KIF6: variants seen among roughly 807,000 people sequenced by gnomAD.
KIF6 encodes the protein kinesin-like protein KIF6.
Under a neutral mutation model 112.7 loss-of-function variants are expected in KIF6, and 106 were observed. That is an observed-to-expected ratio of 0.94 (90% CI 0.80 to 1.11). KIF6 has a LOEUF of 1.11. KIF6 is among the 50% of genes least tolerant of loss of function. The probability of loss-of-function intolerance (pLI) is 0.00; values close to 1 mark genes in which losing one functional copy is unlikely to be tolerated. For synonymous variants in KIF6, 339 were observed against 339.9 expected (o/e 1.00, Z 0.03); for missense variants, 929 against 964.0 (o/e 0.96, Z 0.48).
chr6:39,636,065 T>C (rs1472792734), intron 4 of KIF6, among the ~76,000 whole-genome samples: 2 of 151,892 alleles, frequency 1.3e-5, no homozygotes, highest in Non-Finnish European at 2.9e-5. Flanking sequence ...GGAGAGAGAA[T>C]AGTGGCCCAT....
rs984078684 is a variant in KIF6 at position 39,530,851 on chromosome 6, A to AT, written c.1645+9151dup. ...TTCTTTCAAAACAACATACTTATTA[A>AT]TTTTTTTGTATTTGGTTTAGTTTAT... On this transcript the variant is annotated intron_variant, in intron 13 of 22. Coordinates refer to ENST00000287152, the MANE Select transcript of KIF6 (RefSeq NM_145027.6). Among the ~76,000 whole-genome samples, 25 of 152,236 alleles carry AT rather than the reference A, an allele frequency of 1.6e-4. 1 individual carries two copies. In the South Asian group the frequency reaches 2.5e-3, roughly 15 times the overall value.
At chr6:39,339,862 T>C (rs1437374342) in intron 22 of KIF6, among the ~76,000 whole-genome samples, 4 of 152,190 alleles carry the variant, frequency 2.6e-5, no homozygotes, top group African/African-American at 9.6e-5. Flanking sequence ...GAGGCTTATG[T>C]TAAATTGCCC....
At chr6:39,428,495 C>A (rs145553716) in intron 14 of KIF6, among the ~76,000 whole-genome samples, 1 of 152,282 alleles carries the variant, frequency 6.6e-6, no homozygotes, top group East Asian at 1.9e-4. Context: ...TGCATATGTC[C>A]CCCTTTCTAG....
chr6:39,409,445 A>G (rs1769326282), intron 15 of KIF6, among the ~76,000 whole-genome samples: 1 of 152,148 alleles, frequency 6.6e-6, no homozygotes, highest in Admixed American at 6.5e-5. Context: ...GCTTGGGAGC[A>G]TCTCTGCTTT....
At position 39,476,094 on chromosome 6, in the gene KIF6, G is replaced by A. The variant is rs578181105; in HGVS notation, c.1646-44933C>T. Among the ~76,000 whole-genome samples, 5 of 151,990 alleles carry A rather than the reference G, an allele frequency of 3.3e-5. No individual in the cohort carries two copies. In the South Asian group the frequency reaches 6.2e-4, roughly 19 times the overall value. The stretch of plus-strand genomic sequence containing the variant: ...ATCAGTATAAATAGCTAATGCATGC[G>A]GGGCTTAACATCTAGGTGATGGGTT... On this transcript the variant is annotated intron_variant, in intron 13 of 22. Transcript: ENST00000287152.
chr6:39,593,364 C>T (rs573247158), intron 7 of KIF6, among the ~76,000 whole-genome samples: 27 of 152,074 alleles, frequency 1.8e-4, no homozygotes, highest in Non-Finnish European at 2.8e-4. Context: ...TCCTATGTAC[C>T]GTTTGGTTTT....
chr6:39,507,423 G>A lies in KIF6; in HGVS notation c.1645+32580C>T, dbSNP rs1191524771. ...GGAGCCAAGGATTTGTGGAGCTGTT[G>A]CAGGCAGATGCAGAAGGTCCTGACC... is the stretch of plus-strand genomic sequence containing the variant. On this transcript the variant is annotated intron_variant, in intron 13 of 22. Coordinates refer to ENST00000287152, the MANE Select transcript of KIF6 (RefSeq NM_145027.6). Among the ~76,000 whole-genome samples the A allele has an allele frequency of 2.0e-5, 3 of 152,150 alleles. No homozygotes were observed. In the East Asian group the frequency reaches 5.8e-4, roughly 29 times the overall value.
intron 10 of KIF6, among the ~76,000 whole-genome samples, chr6:39,558,576 A>C (rs1355898082): frequency 6.6e-6 from 1 of 152,204 alleles, no homozygotes; most frequent in Non-Finnish European, 1.5e-5. Flanking sequence ...TTCTTGTTTT[A>C]AAGAATTTCC....
At chr6:39,346,573 T>A (rs1445139701) in intron 19 of KIF6, 47 bp from the exon 20 acceptor site, 10 of 673,672 alleles carry the variant, frequency 1.5e-5, no homozygotes, top group Non-Finnish European at 2.7e-5. Context: ...GTCTATAGTA[T>A]TTTGTTATAG....
intron 16 of KIF6, among the ~76,000 whole-genome samples, chr6:39,368,261 C>T (rs142621807): frequency 1.6e-4 from 24 of 152,316 alleles, no homozygotes; most frequent in African/African-American, 5.5e-4. Flanking sequence ...CCATAACCAT[C>T]GCACAGCTGC....
chr6:39,484,624 AT>A (rs1434389340), intron 13 of KIF6, among the ~76,000 whole-genome samples: 1 of 152,218 alleles, frequency 6.6e-6, no homozygotes, highest in Non-Finnish European at 1.5e-5. Flanking sequence ...GAAAAAGTCT[AT>A]TGTTGATTGA....
chr6:39,634,995 T>G, intron 4 of KIF6, 37 bp from the exon 5 acceptor site: 1 of 1,119,458 alleles, frequency 8.9e-7, no homozygotes, highest in Non-Finnish European at 1.4e-6. Context: ...TTATCGGTTA[T>G]AACAATGATT....
At chr6:39,558,264 T>C (rs1779828824) in intron 10 of KIF6, among the ~76,000 whole-genome samples, 2 of 152,124 alleles carry the variant, frequency 1.3e-5, no homozygotes, top group Non-Finnish European at 2.9e-5. Flanking sequence ...ACTTATTTTA[T>C]GGTCCTGCTT....
chr6:39,655,667 G>T (rs1003264838), intron 3 of KIF6, among the ~76,000 whole-genome samples: 4 of 152,094 alleles, frequency 2.6e-5, no homozygotes, highest in Admixed American at 2.0e-4. Context: ...TTTATTAAAT[G>T]ATCCATTATT....
At chr6:39,633,082 C>T (rs186114438) in intron 5 of KIF6, among the ~76,000 whole-genome samples, 5 of 151,706 alleles carry the variant, frequency 3.3e-5, no homozygotes, top group African/African-American at 1.2e-4. Context: ...ACAATAAATT[C>T]CTCAGAGGTA....
intron 7 of KIF6, among the ~76,000 whole-genome samples, chr6:39,594,681 C>G (rs150674063): frequency 1.3e-5 from 2 of 152,020 alleles, no homozygotes; most frequent in Non-Finnish European, 2.9e-5. Context: ...CATTTAACAT[C>G]GAGGCAACAT....
intron 13 of KIF6, among the ~76,000 whole-genome samples, chr6:39,478,700 A>ATTTTTTT (rs796482220): frequency 9.4e-6 from 1 of 106,158 alleles, no homozygotes; most frequent in African/African-American, 3.2e-5. Flanking sequence ...GACAACATCT[A>ATTTTTTT]TTTTTTTTTT....
intron 16 of KIF6, among the ~76,000 whole-genome samples, chr6:39,381,170 A>G (rs1024344657): frequency 2.0e-5 from 3 of 152,214 alleles, no homozygotes; most frequent in Admixed American, 2.0e-4. Context: ...ATCCAGAGAC[A>G]TATTCTTATG....
chr6:39,555,715 G>A (rs1779668396), intron 10 of KIF6, among the ~76,000 whole-genome samples: 1 of 152,110 alleles, frequency 6.6e-6, no homozygotes, highest in Non-Finnish European at 1.5e-5. Context: ...CACTTTGGGA[G>A]GCTGAGGCAG....
Sources: gnomAD v4.1 joint callset for allele counts (sites outside exome capture counted in the v4.1 genomes callset) on GRCh38, gnomAD v4.1.1 for gene constraint, MANE v1.5 for transcripts, NCBI Gene and HGNC (gene_info 2026-07-23, HGNC 2026-07-21) for gene names.